DAB1: variants seen among roughly 807,000 people sequenced by gnomAD.
DAB1 encodes DAB adaptor protein 1, also known as disabled homolog 1.
A neutral mutation model predicts 64.6 loss-of-function variants in DAB1; 15 were observed. The ratio of observed to expected loss-of-function variants is 0.23; its 90% CI spans 0.16 to 0.36. The LOEUF (loss-of-function observed/expected upper bound fraction) is 0.36. DAB1 is among the 10% of genes least tolerant of loss of function. The pLI is 1.00. For missense variants in DAB1, 596 were observed against 706.7 expected (o/e 0.84, Z 1.78); for synonymous variants, 235 against 251.9 (o/e 0.93, Z 0.64).
At chr1:57,161,639 A>T (rs1213489419) in intron 2 of DAB1, among the ~76,000 whole-genome samples, 1 of 152,168 alleles carries the variant, frequency 6.6e-6, no homozygotes, top group South Asian at 2.1e-4. Context: ...AAATTTTTGT[A>T]TTTCAGTTCT....
chr1:58,419,965 T>G (rs918616581), intron 3 of DAB1, among the ~76,000 whole-genome samples: 1 of 152,208 alleles, frequency 6.6e-6, no homozygotes, highest in African/African-American at 2.4e-5. Context: ...TACCTACTTT[T>G]GCCAATCTGT....
chr1:57,451,475 T>A (rs919426241), intron 7 of DAB1, among the ~76,000 whole-genome samples: 2 of 152,206 alleles, frequency 1.3e-5, no homozygotes, highest in African/African-American at 4.8e-5. Flanking sequence ...TTAAAATATG[T>A]TTTGTGATGT....
chr1:57,123,790 G>T (rs1278294497), intron 4 of DAB1, among the ~76,000 whole-genome samples: 1 of 152,042 alleles, frequency 6.6e-6, no homozygotes, highest in African/African-American at 2.4e-5. Context: ...TAAAAAATAG[G>T]TTACAAAGCA....
At chr1:57,453,236 A>C (rs866456989) in intron 7 of DAB1, among the ~76,000 whole-genome samples, 1 of 152,168 alleles carries the variant, frequency 6.6e-6, no homozygotes, top group Non-Finnish European at 1.5e-5. Context: ...TTACTTTTCT[A>C]TTCCAAAGTT....
intron 7 of DAB1, among the ~76,000 whole-genome samples, chr1:57,647,734 ATCT>A (rs1558573642): frequency 6.6e-6 from 1 of 152,232 alleles, no homozygotes; most frequent in South Asian, 2.1e-4. Flanking sequence ...TGGCACATTG[ATCT>A]TCTTAACAAT....
intron 3 of DAB1, among the ~76,000 whole-genome samples, chr1:58,396,413 C>T (rs185991451): frequency 8.2e-4 from 125 of 151,980 alleles, no homozygotes; most frequent in Non-Finnish European, 4.9e-4. Flanking sequence ...TTAATGACAT[C>T]CAATCCTGCC....
intron 5 of DAB1, among the ~76,000 whole-genome samples, chr1:58,066,011 C>T (rs1648834831): frequency 6.6e-6 from 1 of 152,238 alleles, no homozygotes; most frequent in Non-Finnish European, 1.5e-5. Context: ...GCTGGACCAA[C>T]AAGTACCATC....
At chr1:57,072,904 T>G (rs112751346) in intron 4 of DAB1, among the ~76,000 whole-genome samples, 3 of 152,220 alleles carry the variant, frequency 2.0e-5, no homozygotes, top group African/African-American at 7.2e-5. Flanking sequence ...TGATAGAGTG[T>G]GTTGAGGAAT....
chr1:57,837,784 C>T (rs1183953588), intron 1 of DAB1, among the ~76,000 whole-genome samples: 1 of 148,470 alleles, frequency 6.7e-6, no homozygotes, highest in Non-Finnish European at 1.5e-5. Context: ...ACCTCCACCA[C>T]CTTCACCACC....
At chr1:57,915,697 G>A (rs1451333365) in intron 5 of DAB1, among the ~76,000 whole-genome samples, 1 of 152,208 alleles carries the variant, frequency 6.6e-6, no homozygotes, top group East Asian at 1.9e-4. Flanking sequence ...CTCATGCACA[G>A]TATATGAAAA....
intron 3 of DAB1, among the ~76,000 whole-genome samples, chr1:58,471,584 A>C (rs549220037): frequency 1.2e-4 from 18 of 152,268 alleles, no homozygotes; most frequent in Non-Finnish European, 2.1e-4. Flanking sequence ...TCTCATGTCG[A>C]ATTGTATGTA....
At chr1:57,877,552 T>TTA (rs1644069388) in intron 1 of DAB1, among the ~76,000 whole-genome samples, 1 of 21,208 alleles carries the variant, frequency 4.7e-5, no homozygotes, top group East Asian at 1.0e-3. Context: ...TTTATTTTTT[T>TTA]TTTTTTTTTT....
At chr1:57,351,815 A>G (rs775851012) in intron 1 of DAB1, among the ~76,000 whole-genome samples, 8 of 152,064 alleles carry the variant, frequency 5.3e-5, no homozygotes, top group Non-Finnish European at 1.0e-4. Context: ...GTCTCCTGAC[A>G]ATGAATTTGG....
chr1:57,080,461 T>C lies in DAB1; in HGVS notation c.307-8047A>G, dbSNP rs561383030. Among the ~76,000 whole-genome samples the C allele has an allele frequency of 9.2e-5, 14 of 152,346 alleles. No homozygotes were observed. The South Asian group carries it at 2.1e-3, about 23-fold the overall frequency. On this transcript the variant is annotated intron_variant, in intron 4 of 14. Coordinates refer to ENST00000371236, the MANE Select transcript of DAB1 (RefSeq NM_001365792.1). Reference sequence around the variant, plus strand: ...TTGTTCTTAAAATTTCATTAATTTCTTTTAAATTTTCATAACTAGACAACA... The same window carrying C: ...TTGTTCTTAAAATTTCATTAATTTCCTTTAAATTTTCATAACTAGACAACA...
intron 1 of DAB1, among the ~76,000 whole-genome samples, chr1:57,371,353 T>C (rs765547818): frequency 4.6e-5 from 7 of 152,324 alleles, no homozygotes; most frequent in Non-Finnish European, 1.0e-4. Context: ...ATTTATCATT[T>C]CAATGTACTT....
At chr1:57,704,932 T>C (rs1233341381) in intron 6 of DAB1, among the ~76,000 whole-genome samples, 1 of 151,786 alleles carries the variant, frequency 6.6e-6, no homozygotes, top group African/African-American at 2.4e-5. Context: ...CCTTCCTTCC[T>C]TTCTTTCTTT....
chr1:57,689,539 G>A (rs1646739018), intron 6 of DAB1, among the ~76,000 whole-genome samples: 1 of 152,106 alleles, frequency 6.6e-6, no homozygotes, highest in Non-Finnish European at 1.5e-5. Context: ...AAGAGATGGA[G>A]GCCTAATCTG....
intron 6 of DAB1, among the ~76,000 whole-genome samples, chr1:57,819,764 A>T (rs1652030634): frequency 6.6e-6 from 1 of 152,194 alleles, no homozygotes; most frequent in East Asian, 1.9e-4. Context: ...AAAAGTGGGA[A>T]AATATTTAGC....
chr1:57,179,673 C>T (rs921837767), intron 2 of DAB1, among the ~76,000 whole-genome samples: 1 of 152,142 alleles, frequency 6.6e-6, no homozygotes, highest in East Asian at 1.9e-4. Flanking sequence ...ACCTAGAATG[C>T]TCCATCCTAC....
Sources: gnomAD v4.1 joint callset for allele counts (sites outside exome capture counted in the v4.1 genomes callset) on GRCh38, gnomAD v4.1.1 for gene constraint, MANE v1.5 for transcripts, NCBI Gene and HGNC (gene_info 2026-07-23, HGNC 2026-07-21) for gene names.